Variants in PCDH7 observed in about 807,000 individuals in gnomAD.
PCDH7 encodes the protein protocadherin 7.
PCDH7 carries 17 observed loss-of-function variants against 58.9 expected under a neutral mutation model. The ratio of observed to expected loss-of-function variants is 0.29; its 90% confidence interval spans 0.20 to 0.43. The LOEUF is 0.43. Among genes scored for constraint, PCDH7 ranks in the 20% least tolerant of loss-of-function variants. PCDH7 has a pLI of 1.00. For synonymous variants in PCDH7, 664 were observed against 616.4 expected, an observed-to-expected ratio of 1.08 and a Z score of -1.14; for missense variants, 1,274 against 1,441.0, an observed-to-expected ratio of 0.88 and a Z score of 1.88.
intron 3 of PCDH7, among the ~76,000 whole-genome samples, chr4:31,083,121 A>G (rs945356402): frequency 1.3e-5 from 2 of 152,226 alleles, no homozygotes; most frequent in African/African-American, 2.4e-5. Context: ...AACAAAAACA[A>G]AAACAAAAAC....
At chr4:31,083,722 A>G (rs1428828675) in intron 3 of PCDH7, among the ~76,000 whole-genome samples, 1 of 152,168 alleles carries the variant, frequency 6.6e-6, no homozygotes, top group Non-Finnish European at 1.5e-5. Flanking sequence ...CTCAAAAATG[A>G]TGGGGTGGAG....
At chr4:30,964,279 T>G (rs1748780834) in intron 3 of PCDH7, among the ~76,000 whole-genome samples, 1 of 151,058 alleles carries the variant, frequency 6.6e-6, no homozygotes, top group African/African-American at 2.4e-5. Flanking sequence ...TCTGGCTCTG[T>G]CTCCCAGGCT....
chr4:30,728,245 T>TTGTGTG (rs138265687), intron 1 of PCDH7, among the ~76,000 whole-genome samples: 4 of 146,376 alleles, frequency 2.7e-5, no homozygotes, highest in Non-Finnish European at 4.5e-5. Flanking sequence ...GTCAATTCAT[T>TTGTGTG]TGTGTGTGTG....
chr4:31,102,548 C>G (rs1031788854), intron 3 of PCDH7, among the ~76,000 whole-genome samples: 4 of 152,000 alleles, frequency 2.6e-5, no homozygotes, highest in Non-Finnish European at 5.9e-5. Context: ...CATGGCGAAA[C>G]TCTGTCTCTA....
At chr4:31,019,249 G>T (rs1185589876) in intron 3 of PCDH7, among the ~76,000 whole-genome samples, 1 of 152,080 alleles carries the variant, frequency 6.6e-6, no homozygotes, top group Non-Finnish European at 1.5e-5. Flanking sequence ...TAAATATATA[G>T]TCTTAAAATG....
intron 1 of PCDH7, among the ~76,000 whole-genome samples, chr4:30,859,719 C>T (rs778009313): frequency 7.9e-5 from 12 of 152,036 alleles, no homozygotes; most frequent in Non-Finnish European, 1.5e-4. Flanking sequence ...GGATTACAGA[C>T]GTGAGCCACC....
chr4:31,093,985 A>G (rs1327287982), intron 3 of PCDH7, among the ~76,000 whole-genome samples: 1 of 152,098 alleles, frequency 6.6e-6, no homozygotes, highest in Non-Finnish European at 1.5e-5. Context: ...TATGGTGGAC[A>G]TGTTTTTGGA....
At chr4:30,728,437 G>T (rs1714963890) in intron 1 of PCDH7, among the ~76,000 whole-genome samples, 1 of 151,504 alleles carries the variant, frequency 6.6e-6, no homozygotes. Flanking sequence ...CTATAACCAA[G>T]GATGTTTTCA....
At chr4:30,877,725 T>G (rs1253616806) in intron 1 of PCDH7, among the ~76,000 whole-genome samples, 2 of 152,198 alleles carry the variant, frequency 1.3e-5, no homozygotes, top group Admixed American at 6.5e-5. Flanking sequence ...CTACATGGTA[T>G]TCAGTGGAAA....
At chr4:30,964,216 T>A (rs2109463779) in intron 3 of PCDH7, among the ~76,000 whole-genome samples, 1 of 150,180 alleles carries the variant, frequency 6.7e-6, no homozygotes, top group African/African-American at 2.5e-5. Flanking sequence ...TCCTCAGCAG[T>A]AGTAGTTTTA....
At chr4:30,790,642 T>G (rs1050613975) in intron 1 of PCDH7, among the ~76,000 whole-genome samples, 2 of 152,214 alleles carry the variant, frequency 1.3e-5, no homozygotes, top group Non-Finnish European at 2.9e-5. Flanking sequence ...TAGACAGGGC[T>G]GGCCATGGTG....
intron 1 of PCDH7, among the ~76,000 whole-genome samples, chr4:30,898,226 G>T (rs1440527414): frequency 6.6e-6 from 1 of 152,134 alleles, no homozygotes; most frequent in African/African-American, 2.4e-5. Flanking sequence ...TGTGGTTGTT[G>T]TTGACTTGAA....
intron 1 of PCDH7, among the ~76,000 whole-genome samples, chr4:30,756,689 A>G (rs1221335624): frequency 6.6e-6 from 1 of 152,162 alleles, no homozygotes; most frequent in Non-Finnish European, 1.5e-5. Flanking sequence ...ACATTGTTTC[A>G]TTACTCATTC....
At chr4:30,956,038 C>CA (rs111270548) in intron 3 of PCDH7, among the ~76,000 whole-genome samples, 12,611 of 125,740 alleles carry the variant, frequency 0.1, 784 homozygotes, top group East Asian at 0.3. Flanking sequence ...CAAAAACAAA[C>CA]AAAAAAAAAA....
At chr4:30,965,274 G>A (rs1394073472) in intron 3 of PCDH7, among the ~76,000 whole-genome samples, 2 of 152,024 alleles carry the variant, frequency 1.3e-5, no homozygotes, top group Admixed American at 6.6e-5. Context: ...ACAACTGGGA[G>A]ATAAAGCAAT....
intron 3 of PCDH7, among the ~76,000 whole-genome samples, chr4:31,109,066 T>C (rs2109309122): frequency 6.6e-6 from 1 of 152,290 alleles, no homozygotes; most frequent in Middle Eastern, 3.4e-3. Flanking sequence ...GGCTCAGGCT[T>C]GTTCCCATGC....
intron 3 of PCDH7, among the ~76,000 whole-genome samples, chr4:30,978,708 GT>G (rs1406528900): frequency 6.6e-6 from 1 of 152,060 alleles, no homozygotes; most frequent in Non-Finnish European, 1.5e-5. Flanking sequence ...TTCAATAAGT[GT>G]TTTTCTCTCC....
At chr4:30,724,771 T>C in intron 1 of PCDH7, 175 bp downstream of exon 1, 2 of 1,422,580 alleles carry the variant, frequency 1.4e-6, no homozygotes, top group Non-Finnish European at 1.8e-6. Flanking sequence ...ACAAGAGGTA[T>C]ACCACTGTAT....
intron 1 of PCDH7, among the ~76,000 whole-genome samples, chr4:30,843,471 G>T (rs1322385355): frequency 6.6e-6 from 1 of 152,160 alleles, no homozygotes; most frequent in Non-Finnish European, 1.5e-5. Context: ...TGGGATTACA[G>T]GCGTGAGCCA....
Sources: allele counts gnomAD v4.1 joint callset (sites outside exome capture counted in the v4.1 genomes callset), GRCh38; gene constraint gnomAD v4.1.1; transcripts MANE v1.5; gene names NCBI Gene and HGNC (gene_info 2026-07-23, HGNC 2026-07-21).